The following PPRC1 variants were observed in gnomAD, a reference collection of about 807,000 sequenced individuals.
The protein encoded by PPRC1 is peroxisome proliferator-activated receptor gamma coactivator-related protein 1.
Under a neutral mutation model 132.5 loss-of-function variants are expected in PPRC1, and 23 were observed. The observed-to-expected ratio is 0.17, with a 90% confidence interval of 0.12 to 0.25. The LOEUF (loss-of-function observed/expected upper bound fraction) is 0.25. Among genes scored for constraint, PPRC1 ranks in the 10% least tolerant of loss-of-function variants. The pLI is 1.00. For synonymous variants in PPRC1, 872 were observed against 833.5 expected (o/e 1.05, Z -0.80); for missense variants, 2,006 against 2,089.1 (o/e 0.96, Z 0.78).
chr10:102,149,609 G>A (rs184947892), intron 13 of PPRC1, among the ~76,000 whole-genome samples: 2 of 152,082 alleles, frequency 1.3e-5, no homozygotes, highest in East Asian at 3.9e-4. Context: ...GCACGCACCT[G>A]TAATCCCAGC....
chr10:102,134,273 T>G (rs2068639215), intron 1 of PPRC1, among the ~76,000 whole-genome samples: 1 of 152,134 alleles, frequency 6.6e-6, no homozygotes, highest in African/African-American at 2.4e-5. Context: ...GGTCCGTACT[T>G]AAGGCTCTTC....
chr10:102,139,541 G>A lies in PPRC1; in HGVS notation c.1033G>A (p.Val345Met), dbSNP rs371666502. The change falls in exon 5 of 14, where the codon GTG becomes ATG. Residue 345 changes from valine (V) to methionine (M), a missense_variant. Around this residue, in one of 2 missense-constraint regions of PPRC1, gnomAD observed 1,914 missense variants for 1,917.2 expected, o/e 1.00. Coordinates refer to ENST00000278070, the MANE Select transcript of PPRC1 (RefSeq NM_015062.5). ...TTTGACACTGCCTGAGGGCTGCGTA[G>A]TGCTGGAGATTGTGGGGCAGGCAGC... is the stretch of plus-strand genomic sequence containing the variant. ...DDLTLPEGCV[V>M]LEIVGQAATA... 6 of 1,613,876 alleles carry A rather than the reference G, an allele frequency of 3.7e-6. No homozygotes were observed. The highest frequency in any genetic ancestry group is 2.5e-6 in the Non-Finnish European group (3 of 1,179,944).
Position 102,149,906 on chromosome 10 carries a change from G to T in PPRC1, c.4892-20G>T. 6.4e-7 allele frequency: 1 copy of T among 1,572,802 alleles called. No homozygotes were observed. The highest frequency in any genetic ancestry group is 1.1e-5 in the South Asian group (1 of 90,260). ...GGGAAGTGTGGTCAGAGACCTTGAA[G>T]TTTGTCTTTACCTTTATAGACTCCA... On this transcript the variant is annotated intron_variant, in intron 13 of 13. Transcript: ENST00000278070.
the PPRC1 span, among the ~76,000 whole-genome samples, chr10:102,127,513 C>T: frequency 6.6e-6 from 1 of 152,122 alleles, no homozygotes; most frequent in African/African-American, 2.4e-5. Context: ...TTCAAGTGAT[C>T]CTCTCATCTC....
chr10:102,147,517 T>C, intron 9 of PPRC1, 125 bp downstream of exon 9: 2 of 1,310,248 alleles, frequency 1.5e-6, no homozygotes, highest in Non-Finnish European at 2.1e-6. Flanking sequence ...ATTTCTGACT[T>C]TGGCTTTTGT....
At position 102,144,881 on chromosome 10, in the gene PPRC1, C is replaced by T. The variant is rs556394767; in HGVS notation, c.3609-139C>T. 161 of 691,948 alleles carry T rather than the reference C, an allele frequency of 2.3e-4. No individual in the cohort carries two copies. In the African/African-American group the frequency reaches 2.4e-3, roughly 10 times the overall value. The allele number at this position is 691,948 out of a possible 1,614,324, so 42.9% of individuals were successfully genotyped here. A position where few individuals can be genotyped will look rare whatever the true frequency, so the allele number is the denominator to read the frequency against. ...GTTCAGTCAATAAGACCCTTTTGTG[C>T]AGGAAGAAGATGATGGAGGCAGTTT... On this transcript the variant is annotated intron_variant, in intron 7 of 13. Coordinates refer to ENST00000278070, the MANE Select transcript of PPRC1 (RefSeq NM_015062.5).
At chr10:102,131,058 G>T (rs1246333125), upstream of PPRC1, among the ~76,000 whole-genome samples, 3 of 151,752 alleles carry the variant, frequency 2.0e-5, no homozygotes, top group Admixed American at 6.6e-5. Context: ...AGCTGGGTGT[G>T]GTGGTGGGCA....
chr10:102,132,927 A>G, upstream of PPRC1: 3 of 1,169,062 alleles, frequency 2.6e-6, no homozygotes, highest in Admixed American at 4.2e-5. Flanking sequence ...GCCTTCTTCC[A>G]GGGTGCAAGT....
chr10:102,142,184 T>G (rs536692272), intron 5 of PPRC1, among the ~76,000 whole-genome samples, 180 bp downstream of exon 5: 229 of 152,202 alleles, frequency 1.5e-3, no homozygotes, highest in Non-Finnish European at 2.7e-3. Flanking sequence ...CAATCTCGGC[T>G]CACTGCCTCC....
At chr10:102,122,915 C>T in the PPRC1 span, among the ~76,000 whole-genome samples, 1 of 152,194 alleles carries the variant, frequency 6.6e-6, no homozygotes, top group Admixed American at 6.5e-5. Context: ...GGTGCTATTA[C>T]CTCCATTGAA....
intron 7 of PPRC1, 83 bp from the exon 8 acceptor site, chr10:102,144,937 C>G (rs757211995): frequency 1.8e-6 from 2 of 1,138,306 alleles, no homozygotes. Context: ...CACCCACCCC[C>G]TCCCATTGAT....
chr10:102,137,739 T>G, intron 1 of PPRC1, 111 bp from the exon 2 acceptor site: 1 of 1,029,440 alleles, frequency 9.7e-7, no homozygotes, highest in Admixed American at 2.8e-5. Flanking sequence ...TTGGCGACAG[T>G]GTTGCTGCTG....
chr10:102,140,085 G>A lies in PPRC1; in HGVS notation c.1577G>A (p.Arg526Gln), dbSNP rs776807603. Residue 526 changes from arginine (R) to glutamine (Q), a missense_variant, in exon 5 of 14, where the codon CGG (arginine) becomes CAG (glutamine). Arg to Gln is a conservative substitution (Grantham distance 43). Transcript: ENST00000278070. ...QGKGKPRAWARAWAAALENSS... is the reference protein window; with the variant it reads ...QGKGKPRAWAQAWAAALENSS... ...AAGGGGAAGCCCCGGGCTTGGGCTC[G>A]GGCCTGGGCAGCTGCCTTGGAGAAT... 2.3e-5 allele frequency: 37 copies of A among 1,614,116 alleles called. No homozygotes were observed. Among genetic ancestry groups the A allele is most frequent in the East Asian group, 6.7e-5 (3 of 44,902 alleles).
At position 102,138,871 on chromosome 10, in the gene PPRC1, C is replaced by T. The variant is rs778308621; in HGVS notation, c.490-8C>T. The T allele has an allele frequency of 1.2e-5, 20 of 1,613,628 alleles. No homozygotes were observed. Among genetic ancestry groups the T allele is most frequent in the Middle Eastern group, 1.6e-4 (1 of 6,084 alleles). ...TAGACTGATCTCAGGTCTTTCTTTC[C>T]CTCTTAGCTGCACAAGCTGCTTACT... On this transcript the variant is annotated splice_polypyrimidine_tract_variant and splice_region_variant and intron_variant, in intron 3 of 13. Coordinates refer to ENST00000278070, the MANE Select transcript of PPRC1 (RefSeq NM_015062.5).
In PPRC1 at chr10:102,146,749, T is replaced by A; in HGVS notation, c.3757T>A (p.Ser1253Thr). ...TGTCTCACTGCTGGCCAAAGCCAAA[T>A]CTCCTAAGTCCACCGCCCAGGAGGG... ...AAVSLLAKAK[S>T]PKSTAQEGTL... Residue 1253 changes from serine (S) to threonine (T), a missense_variant, in exon 9 of 14, where the codon TCT becomes ACT. By Grantham distance (58) the Ser-to-Thr change is moderately conservative. This residue lies in a region of PPRC1 where 1,914 missense variants were observed against 1,917.2 expected (regional missense o/e 1.00). Coordinates refer to ENST00000278070, the MANE Select transcript of PPRC1 (RefSeq NM_015062.5). 4 of 1,613,674 alleles carry A rather than the reference T, an allele frequency of 2.5e-6. No homozygotes were observed. Among genetic ancestry groups the A allele is most frequent in the Non-Finnish European group, 3.4e-6 (4 of 1,179,938 alleles).
At chr10:102,144,826 G>T in intron 7 of PPRC1, 194 bp from the exon 8 acceptor site, 1 of 580,052 alleles carries the variant, frequency 1.7e-6, no homozygotes, top group Non-Finnish European at 3.1e-6. Flanking sequence ...TCTTGGAATT[G>T]GGCAGGGCTC....
rs757490022 is a variant in PPRC1 at position 102,139,108 on chromosome 10, G to A, written c.600G>A (p.Met200Ile). 2 of 1,607,400 alleles carry A rather than the reference G, an allele frequency of 1.2e-6. No homozygotes were observed. The highest frequency in any genetic ancestry group is 2.2e-5 in the East Asian group (1 of 44,810). ...TCTCTTCTCTCCTGCAGGTTGAAAT[G>A]TCTCTTCCAGATCCCTCTTGGGACT... ...TGSSRGSGVE[M>I]SLPDPSWDFS... is the part of the protein sequence containing the mutation. The change falls in exon 5 of 14, where the codon ATG becomes ATA. Residue 200 changes from methionine to isoleucine, a missense_variant. This residue lies in a region of PPRC1 where 1,914 missense variants were observed against 1,917.2 expected (regional missense o/e 1.00). Transcript: ENST00000278070.
chr10:102,147,432 A>C lies in PPRC1; in HGVS notation c.4400+40A>C, dbSNP rs572772700. ...CCCTGTAGGTCCTCTCCATTTAGGAAGTTCACGTACTTCTGTGGTTTACTT... is the reference window on the plus strand; with the variant it reads ...CCCTGTAGGTCCTCTCCATTTAGGACGTTCACGTACTTCTGTGGTTTACTT... On this transcript the variant is annotated intron_variant, in intron 9 of 13. Transcript: ENST00000278070. 37 of 1,554,590 alleles carry C rather than the reference A, an allele frequency of 2.4e-5. No individual in the cohort carries two copies. The East Asian group carries it at 7.7e-4, about 32-fold the overall frequency.
At chr10:102,124,737 G>C in the PPRC1 span, among the ~76,000 whole-genome samples, 1 of 151,482 alleles carries the variant, frequency 6.6e-6, no homozygotes, top group East Asian at 1.9e-4. Context: ...CAAACTTCTG[G>C]GCTTAAGCAG....
Sources: allele counts gnomAD v4.1 joint callset (sites outside exome capture counted in the v4.1 genomes callset), GRCh38; gene constraint gnomAD v4.1.1; regional missense constraint gnomAD v4.1.1; transcripts MANE v1.5; gene names NCBI Gene and HGNC (gene_info 2026-07-23, HGNC 2026-07-21).